The following MAF variants were observed in gnomAD, a reference collection of about 807,000 sequenced individuals.
MAF encodes transcription factor Maf.
In MAF, 10 loss-of-function variants were observed where a neutral mutation model predicts 22.0. The ratio of observed to expected loss-of-function variants is 0.45; its 90% confidence interval spans 0.28 to 0.77. The LOEUF is 0.77. MAF is among the 30% of genes least tolerant of loss of function. The pLI is 0.12. For missense variants in MAF, 544 were observed against 548.4 expected, an observed-to-expected ratio of 0.99 and a Z score of 0.08; for synonymous variants, 337 against 255.8, an observed-to-expected ratio of 1.32 and a Z score of -3.03.
the MAF span, among the ~76,000 whole-genome samples, chr16:79,492,102 C>A: frequency 6.6e-6 from 1 of 152,188 alleles, no homozygotes. Flanking sequence ...AATAATAAAA[C>A]AAAGTGCCTC....
At chr16:79,478,570 T>C in the MAF span, among the ~76,000 whole-genome samples, 18 of 152,152 alleles carry the variant, frequency 1.2e-4, no homozygotes, top group Non-Finnish European at 7.4e-5. Context: ...TTATAGGATC[T>C]TGTACCATCC....
the MAF span, among the ~76,000 whole-genome samples, chr16:79,324,366 A>C: frequency 2.0e-5 from 3 of 152,244 alleles, no homozygotes; most frequent in Non-Finnish European, 4.4e-5. Flanking sequence ...TTGAAAACAC[A>C]ATATTTACAG....
the MAF span, among the ~76,000 whole-genome samples, chr16:79,403,057 T>G: frequency 6.6e-6 from 1 of 152,178 alleles, no homozygotes; most frequent in African/African-American, 2.4e-5. Flanking sequence ...GGATTTCAGC[T>G]CTTTGATGTG....
the MAF span, among the ~76,000 whole-genome samples, chr16:79,247,432 C>G: frequency 6.6e-6 from 1 of 152,186 alleles, no homozygotes; most frequent in African/African-American, 2.4e-5. Context: ...GTGTGCTTCA[C>G]TGCAAACTTG....
downstream of MAF, among the ~76,000 whole-genome samples, chr16:79,582,904 G>A (rs1213122629): frequency 6.6e-6 from 1 of 152,158 alleles, no homozygotes; most frequent in African/African-American, 2.4e-5. Context: ...TGAAGATGGG[G>A]TCAAGACCAG....
At chr16:79,295,098 G>C in the MAF span, among the ~76,000 whole-genome samples, 2 of 151,550 alleles carry the variant, frequency 1.3e-5, no homozygotes, top group Non-Finnish European at 2.9e-5. Flanking sequence ...GGGTGGGGGA[G>C]GGGGCAGGGG....
the MAF span, among the ~76,000 whole-genome samples, chr16:79,329,729 T>C: frequency 6.6e-6 from 1 of 152,202 alleles, no homozygotes; most frequent in Non-Finnish European, 1.5e-5. Context: ...TAAAGCATCT[T>C]AGAAAACTGT....
the MAF span, among the ~76,000 whole-genome samples, chr16:79,430,533 G>A: frequency 6.6e-6 from 1 of 152,188 alleles, no homozygotes; most frequent in Non-Finnish European, 1.5e-5. Context: ...CCCACCTAGG[G>A]CAACTCACTT....
the MAF span, among the ~76,000 whole-genome samples, chr16:79,422,418 C>T: frequency 5.9e-5 from 9 of 152,266 alleles, no homozygotes; most frequent in Non-Finnish European, 1.2e-4. Context: ...TCTGTAGAGT[C>T]CCGGGGACCC....
At chr16:79,564,736 C>G in the MAF span, among the ~76,000 whole-genome samples, 1 of 152,140 alleles carries the variant, frequency 6.6e-6, no homozygotes, top group African/African-American at 2.4e-5. Flanking sequence ...GATCCCCAGC[C>G]CTGTGGAGCA....
At chr16:79,547,889 T>A in the MAF span, among the ~76,000 whole-genome samples, 4 of 81,440 alleles carry the variant, frequency 4.9e-5, no homozygotes, top group Non-Finnish European at 1.1e-4. Context: ...TGCGTGTGTG[T>A]GTGTGTGTGT....
At chr16:79,477,417 C>G in the MAF span, among the ~76,000 whole-genome samples, 2 of 152,140 alleles carry the variant, frequency 1.3e-5, no homozygotes, top group African/African-American at 2.4e-5. Context: ...CCAGCCTCCA[C>G]GAGCCTGGCT....
the MAF span, among the ~76,000 whole-genome samples, chr16:79,450,520 C>T: frequency 2.6e-5 from 4 of 152,160 alleles, no homozygotes; most frequent in African/African-American, 7.2e-5. Flanking sequence ...TTTCCCCCAA[C>T]CCCCTGGCCT....
At chr16:79,252,106 G>C in the MAF span, among the ~76,000 whole-genome samples, 1 of 152,266 alleles carries the variant, frequency 6.6e-6, no homozygotes. Context: ...TGGTCAATGT[G>C]ATAACTCTGG....
chr16:79,311,273 C>T, the MAF span, among the ~76,000 whole-genome samples: 8,585 of 152,010 alleles, frequency 0.056, 510 homozygotes, highest in East Asian at 0.21. Flanking sequence ...TTTTCTTTCC[C>T]CTCTAAACCA....
chr16:79,229,984 C>T, the MAF span, among the ~76,000 whole-genome samples: 2 of 150,632 alleles, frequency 1.3e-5, no homozygotes, highest in African/African-American at 5.0e-5. Context: ...TATCAATTTG[C>T]AGGATAGTTG....
chr16:79,472,367 C>T, the MAF span, among the ~76,000 whole-genome samples: 2 of 152,126 alleles, frequency 1.3e-5, no homozygotes, highest in Non-Finnish European at 2.9e-5. Flanking sequence ...GTAGAAATAT[C>T]CCGAATGTCC....
At chr16:79,271,089 T>TTGC in the MAF span, among the ~76,000 whole-genome samples, 1 of 33,188 alleles carries the variant, frequency 3.0e-5, no homozygotes, top group Non-Finnish European at 5.2e-5. Flanking sequence ...TTTTATTTTT[T>TTGC]ATTTTTAGTA....
chr16:79,354,512 G>T, the MAF span, among the ~76,000 whole-genome samples: 1 of 152,194 alleles, frequency 6.6e-6, no homozygotes, highest in East Asian at 1.9e-4. Context: ...AGGGGAGAAT[G>T]GGTGAGATTT....
Sources: gnomAD v4.1 joint callset for allele counts (sites outside exome capture counted in the v4.1 genomes callset) on GRCh38, gnomAD v4.1.1 for gene constraint, MANE v1.5 for transcripts, NCBI Gene and HGNC (gene_info 2026-07-23, HGNC 2026-07-21) for gene names.